Variants in NDST4 observed in about 807,000 individuals in gnomAD.
NDST4 encodes the protein N-heparan sulfate sulfotransferase 4.
In NDST4, 63 loss-of-function variants were observed where a neutral mutation model predicts 100.8. The ratio of observed to expected loss-of-function variants is 0.62; its 90% CI spans 0.51 to 0.77. The LOEUF is 0.77. Among genes scored for constraint, NDST4 ranks in the 30% least tolerant of loss-of-function variants. The pLI is 0.00. For missense variants in NDST4, 943 were observed against 1,018.4 expected (o/e 0.93, Z 1.01); for synonymous variants, 377 against 361.8 (o/e 1.04, Z -0.48).
At chr4:114,862,800 A>AT (rs1395429580) in intron 7 of NDST4, among the ~76,000 whole-genome samples, 4 of 152,092 alleles carry the variant, frequency 2.6e-5, no homozygotes, top group African/African-American at 4.8e-5. Flanking sequence ...GTTAATATTT[A>AT]TTTATACTTT....
intron 9 of NDST4, among the ~76,000 whole-genome samples, 161 bp from the exon 10 acceptor site, chr4:114,846,158 A>C (rs1173980274): frequency 6.6e-6 from 1 of 152,198 alleles, no homozygotes; most frequent in African/African-American, 2.4e-5. Context: ...TTGAATGTGA[A>C]GTCAACCCAA....
rs756777483 is a variant in NDST4 at position 114,833,734 on chromosome 4, T to C, written c.2287-19A>G. On this transcript the variant is annotated intron_variant, in intron 11 of 13. Coordinates refer to ENST00000264363, the MANE Select transcript of NDST4 (RefSeq NM_022569.3). ...TTAGCAACTGTAAAGTCAGAAATAGTCACTTTATGAAGAAAAAAATTAAAT... is the reference window on the plus strand; with the variant it reads ...TTAGCAACTGTAAAGTCAGAAATAGCCACTTTATGAAGAAAAAAATTAAAT... 6.5e-5 allele frequency: 100 copies of C among 1,533,902 alleles called. No individual in the cohort carries two copies. Among genetic ancestry groups the C allele is most frequent in the Non-Finnish European group, 8.4e-5 (94 of 1,115,180 alleles).
At position 114,948,590 on chromosome 4, in the gene NDST4, T is replaced by C. The variant is rs78118979; in HGVS notation, c.1222-11087A>G. On this transcript the variant is annotated intron_variant, in intron 4 of 13. Transcript: ENST00000264363. ...TTATTATATTTTCATTTTGTTATCC[T>C]GTTGAAGTGATATCATATTTGGAAA... Among the ~76,000 whole-genome samples, 1,234 of 152,230 alleles carry C rather than the reference T, an allele frequency of 8.1e-3. 13 individuals carry two copies. Among genetic ancestry groups the C allele is most frequent in the African/African-American group, 0.026 (1,093 of 41,566 alleles).
chr4:115,056,447 C>A (rs945097065), intron 2 of NDST4, among the ~76,000 whole-genome samples: 3 of 152,170 alleles, frequency 2.0e-5, no homozygotes, highest in African/African-American at 7.2e-5. Flanking sequence ...ATAGAGCTAA[C>A]TTAGTTTCAA....
intron 4 of NDST4, among the ~76,000 whole-genome samples, chr4:114,962,317 C>CAATAA (rs57651310): frequency 0.58 from 87,066 of 150,592 alleles, 26,222 homozygotes; most frequent in Non-Finnish European, 0.67. Context: ...GACAATTAGA[C>CAATAA]AATAAAATAA....
intron 4 of NDST4, among the ~76,000 whole-genome samples, chr4:114,939,466 A>T (rs777693992): frequency 1.3e-5 from 2 of 152,286 alleles, no homozygotes; most frequent in South Asian, 4.1e-4. Flanking sequence ...AATAGTCTTA[A>T]CTAATCACTT....
chr4:115,015,869 A>G (rs1444579810), intron 2 of NDST4, among the ~76,000 whole-genome samples: 1 of 152,076 alleles, frequency 6.6e-6, no homozygotes, highest in African/African-American at 2.4e-5. Context: ...GCAGAGACCA[A>G]CATTGATTTC....
chr4:115,013,265 A>C (rs996117223), intron 2 of NDST4, among the ~76,000 whole-genome samples: 4 of 148,918 alleles, frequency 2.7e-5, no homozygotes, highest in Non-Finnish European at 6.0e-5. Context: ...GGTGATGGAT[A>C]TCCCATTTAC....
intron 6 of NDST4, among the ~76,000 whole-genome samples, chr4:114,875,023 T>C (rs1724228786): frequency 6.6e-6 from 1 of 152,124 alleles, no homozygotes; most frequent in African/African-American, 2.4e-5. Flanking sequence ...GAGATATGCA[T>C]TGATTCAAAC....
intron 6 of NDST4, among the ~76,000 whole-genome samples, chr4:114,915,423 C>T (rs1030320254): frequency 6.6e-6 from 1 of 152,132 alleles, no homozygotes; most frequent in Non-Finnish European, 1.5e-5. Context: ...GATAAATATG[C>T]TATATGATAA....
At chr4:115,002,332 C>G in intron 2 of NDST4, among the ~76,000 whole-genome samples, 1 of 152,102 alleles carries the variant, frequency 6.6e-6, no homozygotes, top group East Asian at 1.9e-4. Context: ...CCTTTGCCCA[C>G]TTTTTGATGG....
In NDST4 at chr4:114,845,731, T is replaced by C. The variant is rs1354382003; in HGVS notation, c.2115+92A>G. 2.6e-6 allele frequency: 3 copies of C among 1,161,304 alleles called. No homozygotes were observed. The Admixed American group carries it at 7.6e-5, about 30-fold the overall frequency. The allele number at this position is 1,161,304 out of a possible 1,614,324, so 71.9% of individuals were successfully genotyped here. ...GTTTAGATATTCTTACATTTGACTT[T>C]TCATATGTTTAGGTTCTATTCTGGT... On this transcript the variant is annotated intron_variant, in intron 10 of 13. Transcript: ENST00000264363.
At chr4:114,937,294 A>G (rs746100390) in intron 5 of NDST4, 24 bp downstream of exon 5, 21 of 1,612,898 alleles carry the variant, frequency 1.3e-5, no homozygotes, top group Non-Finnish European at 1.5e-5. Context: ...ACATCCTTCA[A>G]TATACATGGC....
intron 2 of NDST4, among the ~76,000 whole-genome samples, chr4:115,073,661 G>A (rs1350254454): frequency 6.6e-6 from 1 of 151,950 alleles, no homozygotes; most frequent in Non-Finnish European, 1.5e-5. Context: ...GGTTGAGAGT[G>A]AAGAGGTTGG....
chr4:114,985,017 T>C lies in NDST4; in HGVS notation c.979-7743A>G, dbSNP rs143733971. Among the ~76,000 whole-genome samples, 45 of 152,316 alleles carry C rather than the reference T, an allele frequency of 3.0e-4. No individual in the cohort carries two copies. The East Asian group carries it at 3.5e-3, about 12-fold the overall frequency. On this transcript the variant is annotated intron_variant, in intron 2 of 13. Coordinates refer to ENST00000264363, the MANE Select transcript of NDST4 (RefSeq NM_022569.3). ...CATTAACAAAAAACTTATACCAAGT[T>C]TTCTACGTAATATCATGTTAAATGG...
At chr4:114,858,011 C>A (rs946628853) in intron 7 of NDST4, among the ~76,000 whole-genome samples, 1 of 152,156 alleles carries the variant, frequency 6.6e-6, no homozygotes, top group Admixed American at 6.5e-5. Context: ...CTACGTGTTG[C>A]CTAACCTCTG....
At chr4:115,009,995 C>T (rs1356650635) in intron 2 of NDST4, among the ~76,000 whole-genome samples, 1 of 97,968 alleles carries the variant, frequency 1.0e-5, no homozygotes. Flanking sequence ...GATACCATCT[C>T]ACACCAGTTA....
At chr4:115,063,347 T>C (rs1418734494) in intron 2 of NDST4, among the ~76,000 whole-genome samples, 3 of 151,930 alleles carry the variant, frequency 2.0e-5, no homozygotes, top group African/African-American at 4.8e-5. Context: ...TGAATAAAAA[T>C]AAAAGACAAT....
chr4:114,963,836 T>C (rs182227078), intron 4 of NDST4, among the ~76,000 whole-genome samples: 85 of 152,322 alleles, frequency 5.6e-4, no homozygotes, highest in Non-Finnish European at 1.1e-3. Flanking sequence ...AATGCAATAG[T>C]AAGTGTGAGT....
Sources: allele counts gnomAD v4.1 joint callset (sites outside exome capture counted in the v4.1 genomes callset), GRCh38; gene constraint gnomAD v4.1.1; transcripts MANE v1.5; gene names NCBI Gene and HGNC (gene_info 2026-07-23, HGNC 2026-07-21).